MOB4: variants seen among roughly 807,000 people sequenced by gnomAD.
MOB4 encodes MOB-like protein phocein.
Under a neutral mutation model 32.2 loss-of-function variants are expected in MOB4, and 4 were observed. The observed-to-expected ratio is 0.12, with a 90% CI of 0.06 to 0.28. The LOEUF (loss-of-function observed/expected upper bound fraction) is 0.28. MOB4 is among the 10% of genes least tolerant of loss of function. The pLI is 1.00. For missense variants in MOB4, 158 were observed against 271.2 expected, an observed-to-expected ratio of 0.58 and a Z score of 2.93; for synonymous variants, 88 against 88.1, an observed-to-expected ratio of 1.00 and a Z score of 0.01.
intron 5 of MOB4, among the ~76,000 whole-genome samples, chr2:197,546,067 A>T (rs1218127811): frequency 6.6e-6 from 1 of 151,732 alleles, no homozygotes; most frequent in Admixed American, 6.6e-5. Context: ...TTTATTTTTT[A>T]ATTTTTATTT....
intron 1 of MOB4, among the ~76,000 whole-genome samples, chr2:197,518,848 C>T (rs1022521158): frequency 2.0e-5 from 3 of 152,148 alleles, no homozygotes; most frequent in African/African-American, 4.8e-5. Context: ...TTCCACGTCC[C>T]GGGTTCACGC....
At chr2:197,538,576 C>T (rs914501248) in intron 3 of MOB4, among the ~76,000 whole-genome samples, 4 of 152,110 alleles carry the variant, frequency 2.6e-5, no homozygotes, top group African/African-American at 2.4e-5. Flanking sequence ...CGGATACATG[C>T]GTGGTGACTG....
chr2:197,534,286 T>C (rs1222031084), intron 2 of MOB4, among the ~76,000 whole-genome samples: 1 of 152,254 alleles, frequency 6.6e-6, no homozygotes, highest in Non-Finnish European at 1.5e-5. Context: ...TGTTCTAACG[T>C]ATTTAGACTT....
intron 2 of MOB4, among the ~76,000 whole-genome samples, chr2:197,526,248 T>C (rs898673229): frequency 1.3e-5 from 2 of 152,220 alleles, no homozygotes; most frequent in Non-Finnish European, 2.9e-5. Context: ...GATCATAAAA[T>C]GGTGTTAAAT....
chr2:197,553,468 G>A lies in MOB4; in HGVS notation c.*2822G>A, dbSNP rs2087130168. The A allele has an allele frequency of 6.6e-6, 1 of 152,048 alleles. No individual in the cohort carries two copies. The highest frequency in any genetic ancestry group is 1.5e-5 in the Non-Finnish European group (1 of 68,012). 9.4% of individuals were successfully genotyped at this position (152,048 alleles called of 1,614,324 possible). A position where few individuals can be genotyped will look rare whatever the true frequency, so the allele number is the denominator to read the frequency against. On this transcript the variant is annotated 3_prime_UTR_variant, in exon 8 of 8. Coordinates refer to ENST00000323303, the MANE Select transcript of MOB4 (RefSeq NM_015387.5). ...TGATTACATTGTTAGTAAGGACTGT[G>A]TTACGATTATAAACACATTTATTGG... is the stretch of plus-strand genomic sequence containing the variant.
intron 1 of MOB4, chr2:197,516,838 G>A (rs1261519235): frequency 4.0e-5 from 17 of 425,496 alleles, no homozygotes; most frequent in Non-Finnish European, 7.9e-5. Context: ...AGGGCATTAT[G>A]TGTGGTAAAT....
intron 3 of MOB4, among the ~76,000 whole-genome samples, chr2:197,538,329 C>G (rs1415172580): frequency 6.7e-6 from 1 of 149,408 alleles, no homozygotes; most frequent in Admixed American, 6.7e-5. Context: ...TATTAACTAT[C>G]GTATATATTC....
intron 1 of MOB4, among the ~76,000 whole-genome samples, chr2:197,517,650 T>C (rs1189436848): frequency 6.6e-6 from 1 of 152,138 alleles, no homozygotes; most frequent in African/African-American, 2.4e-5. Flanking sequence ...TCTTTTTTTT[T>C]CACATTGTCA....
rs143082267 is a variant in MOB4 at position 197,543,187 on chromosome 2, G to A, written c.354+2750G>A. 9.2e-3 allele frequency among the ~76,000 whole-genome samples: 1,399 copies of A among 152,042 alleles called. 33 individuals carry two copies. Among genetic ancestry groups the A allele is most frequent in the African/African-American group, 0.031 (1,289 of 41,464 alleles). The stretch of plus-strand genomic sequence containing the variant: ...TGTGCACATGTAGTCCCAGCTACTA[G>A]GGAGGCTGAGGTGGGAGAATCACCT... On this transcript the variant is annotated intron_variant, in intron 5 of 7. Coordinates refer to ENST00000323303, the MANE Select transcript of MOB4 (RefSeq NM_015387.5).
chr2:197,528,187 G>A (rs79947141), intron 2 of MOB4, among the ~76,000 whole-genome samples: 2,214 of 152,144 alleles, frequency 0.015, 35 homozygotes, highest in African/African-American at 0.033. Context: ...TAGACCTACC[G>A]TTTTATTACT....
intron 1 of MOB4, among the ~76,000 whole-genome samples, chr2:197,522,416 C>T (rs575135593): frequency 4.7e-5 from 7 of 148,568 alleles, no homozygotes; most frequent in East Asian, 4.0e-4. Context: ...CCACAGCTTC[C>T]GCCTCCTGGG....
At position 197,535,619 on chromosome 2, in the gene MOB4, T is replaced by C; in HGVS notation, c.213T>C (p.Tyr71=). Residue 71 remains tyrosine, a synonymous_variant, in exon 3 of 8, where the codon TAT becomes TAC. Transcript: ENST00000323303. ...PEGQDEGVWK[Y]EHLRQFCLEL... is the part of the protein sequence containing the mutation. ...GCCAAGATGAAGGTGTGTGGAAGTATGAACATTTAAGGTAGGACCTTACAT... is the reference window on the plus strand; with the variant it reads ...GCCAAGATGAAGGTGTGTGGAAGTACGAACATTTAAGGTAGGACCTTACAT... The C allele has an allele frequency of 1.9e-6, 3 of 1,610,822 alleles. No homozygotes were observed. Among genetic ancestry groups the C allele is most frequent in the Non-Finnish European group, 2.5e-6 (3 of 1,179,270 alleles).
At chr2:197,520,920 A>G (rs1274465594) in intron 1 of MOB4, among the ~76,000 whole-genome samples, 1 of 150,592 alleles carries the variant, frequency 6.6e-6, no homozygotes, top group Non-Finnish European at 1.5e-5. Flanking sequence ...AAAAAAAAGA[A>G]GAAGAAATAA....
At chr2:197,541,727 G>T (rs551616926) in intron 5 of MOB4, among the ~76,000 whole-genome samples, 1 of 152,086 alleles carries the variant, frequency 6.6e-6, no homozygotes, top group Non-Finnish European at 1.5e-5. Context: ...AGACCATCCC[G>T]GCTAAAACGG....
At chr2:197,527,226 T>C (rs2086625951) in intron 2 of MOB4, among the ~76,000 whole-genome samples, 2 of 152,210 alleles carry the variant, frequency 1.3e-5, no homozygotes, top group South Asian at 4.1e-4. Flanking sequence ...ATCTCTAGAT[T>C]GCTTTAGGTA....
upstream of MOB4, chr2:197,515,939 T>C (rs1210541691): frequency 9.0e-6 from 7 of 775,530 alleles, no homozygotes; most frequent in Non-Finnish European, 1.4e-5. Context: ...AGCCCGCTTC[T>C]ACCCGGACGG....
intron 1 of MOB4, among the ~76,000 whole-genome samples, chr2:197,518,729 ATTTTATTTTTAT>A (rs933290148): frequency 1.4e-4 from 21 of 151,660 alleles, no homozygotes; most frequent in Admixed American, 7.9e-4. Context: ...CGCCCGGCTA[ATTTTATTTTTAT>A]TTTTATTTTT....
chr2:197,524,794 G>A (rs1461172628), intron 2 of MOB4, among the ~76,000 whole-genome samples: 2 of 150,736 alleles, frequency 1.3e-5, no homozygotes, highest in East Asian at 2.0e-4. Context: ...TTTTTTAGAC[G>A]GGGTCTCACC....
At chr2:197,522,488 G>C (rs1334781521) in intron 1 of MOB4, among the ~76,000 whole-genome samples, 3 of 151,492 alleles carry the variant, frequency 2.0e-5, no homozygotes, top group African/African-American at 4.9e-5. Context: ...ACGCCACCAT[G>C]CCCGGCTATT....
Sources: allele counts gnomAD v4.1 joint callset (sites outside exome capture counted in the v4.1 genomes callset), GRCh38; gene constraint gnomAD v4.1.1; transcripts MANE v1.5; gene names NCBI Gene and HGNC (gene_info 2026-07-23, HGNC 2026-07-21).